ATF7IP2: variants seen among roughly 807,000 people sequenced by gnomAD.
ATF7IP2 encodes the protein activating transcription factor 7 interacting protein 2, also known as activating transcription factor 7-interacting protein 2.
A neutral mutation model predicts 64.2 loss-of-function variants in ATF7IP2; 42 were observed. The observed-to-expected ratio is 0.65, with a 90% CI of 0.51 to 0.85. The LOEUF (loss-of-function observed/expected upper bound fraction) is 0.85, where lower values mean the gene tolerates loss of function less well. Among genes scored for constraint, ATF7IP2 ranks in the 40% least tolerant of loss-of-function variants. The pLI is 0.00. For synonymous variants in ATF7IP2, 308 were observed against 272.8 expected (o/e 1.13, Z -1.27); for missense variants, 933 against 784.2 (o/e 1.19, Z -2.27).
At chr16:10,392,008 G>C (rs1160379631) in intron 1 of ATF7IP2, among the ~76,000 whole-genome samples, 1 of 150,698 alleles carries the variant, frequency 6.6e-6, no homozygotes, top group Non-Finnish European at 1.5e-5. Context: ...TGGAAAAATA[G>C]GTAAAATTGA....
At chr16:10,477,524 T>G (rs375535645) in intron 12 of ATF7IP2, among the ~76,000 whole-genome samples, 1 of 152,044 alleles carries the variant, frequency 6.6e-6, no homozygotes, top group Non-Finnish European at 1.5e-5. Flanking sequence ...AATATCATAC[T>G]GAATGGGCAA....
At chr16:10,473,363 T>A in intron 10 of ATF7IP2, 116 bp from the exon 11 acceptor site, 1 of 653,310 alleles carries the variant, frequency 1.5e-6, no homozygotes, top group Non-Finnish European at 2.7e-6. Flanking sequence ...AGTTACTTTT[T>A]ATCACTGTAT....
intron 7 of ATF7IP2, among the ~76,000 whole-genome samples, chr16:10,439,320 C>T (rs1194472498): frequency 2.0e-5 from 3 of 151,626 alleles, no homozygotes; most frequent in Admixed American, 2.0e-4. Context: ...AGCTCTGCCT[C>T]AGGGTTCACA....
At chr16:10,441,233 C>G (rs941950367) in intron 8 of ATF7IP2, among the ~76,000 whole-genome samples, 1 of 152,106 alleles carries the variant, frequency 6.6e-6, no homozygotes, top group Non-Finnish European at 1.5e-5. Context: ...GTCTTTATAG[C>G]AGAATGATGT....
chr16:10,434,509 GA>G (rs970111814), intron 6 of ATF7IP2, among the ~76,000 whole-genome samples: 55 of 152,198 alleles, frequency 3.6e-4, no homozygotes, highest in African/African-American at 1.2e-3. Context: ...CATATACTAT[GA>G]ATGTGTATTC....
chr16:10,418,322 A>G (rs2047919765), intron 2 of ATF7IP2, among the ~76,000 whole-genome samples: 1 of 152,230 alleles, frequency 6.6e-6, no homozygotes, highest in Non-Finnish European at 1.5e-5. Flanking sequence ...CGTGGGCATC[A>G]TAGCTATCAC....
chr16:10,390,608 A>G (rs1036721935), intron 1 of ATF7IP2, among the ~76,000 whole-genome samples: 4 of 152,108 alleles, frequency 2.6e-5, no homozygotes, highest in African/African-American at 7.2e-5. Context: ...ATTACACAGG[A>G]CCCTGTCTCT....
intron 12 of ATF7IP2, among the ~76,000 whole-genome samples, chr16:10,480,151 C>T (rs923875396): frequency 1.3e-4 from 20 of 151,600 alleles, no homozygotes; most frequent in Non-Finnish European, 2.5e-4. Context: ...CCACACCCAG[C>T]TAATTTTGTA....
At chr16:10,423,547 A>G (rs1453365224) in intron 3 of ATF7IP2, among the ~76,000 whole-genome samples, 1 of 152,160 alleles carries the variant, frequency 6.6e-6, no homozygotes, top group Non-Finnish European at 1.5e-5. Flanking sequence ...CGGTCGCTCA[A>G]GGCACTGCCC....
chr16:10,432,218 G>C (rs923440925), intron 5 of ATF7IP2, among the ~76,000 whole-genome samples: 3 of 152,040 alleles, frequency 2.0e-5, no homozygotes, highest in Non-Finnish European at 2.9e-5. Flanking sequence ...GTGTATATGT[G>C]TGTGTAGAGA....
intron 2 of ATF7IP2, among the ~76,000 whole-genome samples, chr16:10,417,640 C>T (rs915903291): frequency 1.3e-5 from 2 of 152,076 alleles, no homozygotes; most frequent in Non-Finnish European, 1.5e-5. Flanking sequence ...GGGAACAACA[C>T]CACACTCATA....
intron 12 of ATF7IP2, among the ~76,000 whole-genome samples, chr16:10,477,781 G>C (rs2050066555): frequency 6.6e-6 from 1 of 152,164 alleles, no homozygotes; most frequent in African/African-American, 2.4e-5. Flanking sequence ...TCCTTAAGCT[G>C]ATTGATAGGC....
intron 8 of ATF7IP2, chr16:10,454,064 T>G (rs926623474): frequency 2.0e-5 from 3 of 152,068 alleles, no homozygotes; most frequent in African/African-American, 7.2e-5. Context: ...GTAAGGAATT[T>G]ATCCATGTTA....
At chr16:10,459,119 A>C (rs1202585764) in intron 9 of ATF7IP2, among the ~76,000 whole-genome samples, 2 of 151,940 alleles carry the variant, frequency 1.3e-5, no homozygotes, top group Admixed American at 1.3e-4. Flanking sequence ...AGATCACCTG[A>C]GGTCGGGAGT....
At chr16:10,394,633 A>G (rs1445770628) in intron 1 of ATF7IP2, among the ~76,000 whole-genome samples, 1 of 152,192 alleles carries the variant, frequency 6.6e-6, no homozygotes, top group Non-Finnish European at 1.5e-5. Flanking sequence ...AAGCAAACCA[A>G]CACACTTAAA....
intron 3 of ATF7IP2, among the ~76,000 whole-genome samples, chr16:10,422,192 G>C (rs189035509): frequency 6.6e-6 from 1 of 152,312 alleles, no homozygotes; most frequent in Admixed American, 6.5e-5. Flanking sequence ...TTGCTCAGCA[G>C]CCATTGTTCT....
chr16:10,415,172 C>G (rs943088393), intron 2 of ATF7IP2, among the ~76,000 whole-genome samples: 2 of 152,148 alleles, frequency 1.3e-5, no homozygotes, highest in African/African-American at 4.8e-5. Flanking sequence ...ATAGCCAACA[C>G]TATTCTGAAC....
intron 1 of ATF7IP2, among the ~76,000 whole-genome samples, chr16:10,391,933 A>G (rs1018189763): frequency 3.9e-5 from 6 of 152,004 alleles, no homozygotes; most frequent in African/African-American, 1.4e-4. Context: ...CACTACAGGT[A>G]TTACACATAC....
chr16:10,479,958 C>CTTTTTTTTTTT (rs201158427), intron 12 of ATF7IP2, among the ~76,000 whole-genome samples: 2 of 80,568 alleles, frequency 2.5e-5, no homozygotes, highest in Non-Finnish European at 4.9e-5. Context: ...ACTGGAAATA[C>CTTTTTTTTTTT]TTTTTTTTTT....
Sources: allele counts gnomAD v4.1 joint callset (sites outside exome capture counted in the v4.1 genomes callset), GRCh38; gene constraint gnomAD v4.1.1; transcripts MANE v1.5; gene names NCBI Gene and HGNC (gene_info 2026-07-23, HGNC 2026-07-21).